The following SLCO1B3 variants were observed in gnomAD, a reference collection of about 807,000 sequenced individuals.
The protein encoded by SLCO1B3 is solute carrier organic anion transporter family member 1B3, also known as liver-specific organic anion transporter 2.
Under a neutral mutation model 71.8 loss-of-function variants are expected in SLCO1B3, and 72 were observed. The observed-to-expected ratio is 1.00, with a 90% CI of 0.83 to 1.22. The LOEUF (loss-of-function observed/expected upper bound fraction) is 1.22. Among genes scored for constraint, SLCO1B3 ranks in the 50% most tolerant of loss-of-function variants. The pLI, the probability that SLCO1B3 is intolerant of heterozygous loss-of-function variation, is 0.00. For missense variants in SLCO1B3, 911 were observed against 819.7 expected, an observed-to-expected ratio of 1.11 and a Z score of -1.36; for synonymous variants, 298 against 278.4, an observed-to-expected ratio of 1.07 and a Z score of -0.70.
intron 3 of SLCO1B3, among the ~76,000 whole-genome samples, chr12:20,845,569 T>C (rs1864899651): frequency 6.6e-6 from 1 of 152,102 alleles, no homozygotes; most frequent in Admixed American, 6.6e-5. Context: ...GCCTGTTCTC[T>C]GGAGGAAATA....
chr12:20,850,602 A>C (rs1865007123), intron 3 of SLCO1B3, among the ~76,000 whole-genome samples: 1 of 152,218 alleles, frequency 6.6e-6, no homozygotes, highest in African/African-American at 2.4e-5. Context: ...TTATTTTATC[A>C]GCCAAGTAAT....
intron 13 of SLCO1B3, among the ~76,000 whole-genome samples, chr12:20,892,881 T>A (rs1294520502): frequency 6.6e-6 from 1 of 152,178 alleles, no homozygotes; most frequent in African/African-American, 2.4e-5. Flanking sequence ...CCTCCAGGGA[T>A]GCAGCTCTTT....
chr12:20,913,616 TC>T (rs1195847685), intron 15 of SLCO1B3, among the ~76,000 whole-genome samples: 1 of 152,206 alleles, frequency 6.6e-6, no homozygotes, highest in Non-Finnish European at 1.5e-5. Context: ...AAATAGGTAC[TC>T]CCATTTTCTT....
At chr12:20,891,706 T>C (rs1865906796) in intron 13 of SLCO1B3, among the ~76,000 whole-genome samples, 1 of 152,040 alleles carries the variant, frequency 6.6e-6, no homozygotes, top group African/African-American at 2.4e-5. Flanking sequence ...GTCCTGAAGG[T>C]TCTGTTAGGT....
In SLCO1B3 at chr12:20,916,353, C is replaced by G. The variant is rs1463169094; in HGVS notation, c.*106C>G. On this transcript the variant is annotated 3_prime_UTR_variant, in exon 16 of 16. Coordinates refer to ENST00000381545, the MANE Select transcript of SLCO1B3 (RefSeq NM_019844.4). ...TGGACCAATGGATAAGTCTATGCAT[C>G]TATAATAAACTATAAAAAATGGGAG... 3.6e-5 allele frequency: 36 copies of G among 1,005,542 alleles called. No individual in the cohort carries two copies. In the Middle Eastern group the frequency reaches 1.3e-3, roughly 36 times the overall value. 62.3% of individuals were successfully genotyped at this position (1,005,542 alleles called of 1,614,324 possible).
At chr12:20,901,025 A>G (rs1397126433) in intron 14 of SLCO1B3, among the ~76,000 whole-genome samples, 5 of 152,182 alleles carry the variant, frequency 3.3e-5, no homozygotes, top group Non-Finnish European at 7.4e-5. Context: ...TTCATGTTTT[A>G]CTAACAACAT....
chr12:20,887,924 A>G, intron 13 of SLCO1B3, among the ~76,000 whole-genome samples: 1 of 151,642 alleles, frequency 6.6e-6, no homozygotes. Context: ...TACGGGTTCA[A>G]TTTTATGTCT....
At chr12:20,829,523 G>A (rs1043892697) in intron 3 of SLCO1B3, among the ~76,000 whole-genome samples, 2 of 152,182 alleles carry the variant, frequency 1.3e-5, no homozygotes, top group Admixed American at 1.3e-4. Context: ...CAAATTTTGA[G>A]AGATCAGGCA....
At chr12:20,844,891 G>A (rs1429520280) in intron 3 of SLCO1B3, among the ~76,000 whole-genome samples, 1 of 151,914 alleles carries the variant, frequency 6.6e-6, no homozygotes, top group Non-Finnish European at 1.5e-5. Context: ...TTAGCCAGGT[G>A]TGGTGGTGCA....
At chr12:20,875,916 C>G (rs1865570316) in intron 9 of SLCO1B3, among the ~76,000 whole-genome samples, 1 of 151,714 alleles carries the variant, frequency 6.6e-6, no homozygotes, top group African/African-American at 2.4e-5. Context: ...GTATATAGAT[C>G]ACTGTAATAA....
intron 15 of SLCO1B3, among the ~76,000 whole-genome samples, chr12:20,902,673 G>A (rs920113903): frequency 3.3e-5 from 5 of 152,104 alleles, no homozygotes; most frequent in Admixed American, 2.6e-4. Flanking sequence ...ATTACACAAG[G>A]TATTGTAAGC....
chr12:20,850,426 C>A (rs528246260), intron 3 of SLCO1B3, among the ~76,000 whole-genome samples: 1 of 151,836 alleles, frequency 6.6e-6, no homozygotes, highest in Non-Finnish European at 1.5e-5. Context: ...ACTGCAGGCA[C>A]CCACCACCAC....
In SLCO1B3 at chr12:20,880,986, G is replaced by T; in HGVS notation, c.1463G>T (p.Gly488Val). Residue 488 changes from glycine to valine, a missense_variant, in exon 12 of 16, where the codon GGA (glycine) becomes GTA (valine). Gly to Val is a moderately radical substitution (Grantham distance 109). Transcript: ENST00000381545. The stretch of plus-strand genomic sequence containing the variant: ...ACTTACCTGTCACCTTGTCTAGCAG[G>T]ATGCAAATCCTCAAGTGGTATTAAA... ...GITYLSPCLA[G>V]CKSSSGIKKH... 6.2e-7 allele frequency: 1 copy of T among 1,611,298 alleles called. No individual in the cohort carries two copies. The highest frequency in any genetic ancestry group is 8.5e-7 in the Non-Finnish European group (1 of 1,178,484).
In SLCO1B3 at chr12:20,822,363, G is replaced by A. The variant is rs533968967; in HGVS notation, c.84+6541G>A. On this transcript the variant is annotated intron_variant, in intron 3 of 15. Transcript: ENST00000381545. Reference sequence around the variant, plus strand: ...AGGAAAATTACAGTCAAAGGGGGTTGTTCTCTGGTGGGCAGGGGCGGGGGT... The same window carrying A: ...AGGAAAATTACAGTCAAAGGGGGTTATTCTCTGGTGGGCAGGGGCGGGGGT... 2.6e-5 allele frequency among the ~76,000 whole-genome samples: 4 copies of A among 152,110 alleles called. No individual in the cohort carries two copies. In the South Asian group the frequency reaches 8.3e-4, roughly 32 times the overall value.
intron 8 of SLCO1B3, among the ~76,000 whole-genome samples, chr12:20,867,274 A>T (rs1865391357): frequency 6.6e-6 from 1 of 152,188 alleles, no homozygotes; most frequent in African/African-American, 2.4e-5. Flanking sequence ...GTCTGAAAAG[A>T]TTACACCGTT....
intron 13 of SLCO1B3, among the ~76,000 whole-genome samples, chr12:20,885,165 TTTA>T: frequency 6.6e-6 from 1 of 152,180 alleles, no homozygotes; most frequent in Non-Finnish European, 1.5e-5. Context: ...TATCAGAGCA[TTTA>T]TTAATTTCTC....
intron 3 of SLCO1B3, among the ~76,000 whole-genome samples, chr12:20,831,356 C>CAAAAAAAAAAA: frequency 1.1e-5 from 1 of 91,212 alleles, no homozygotes; most frequent in Non-Finnish European, 2.1e-5. Flanking sequence ...GACGCCATAT[C>CAAAAAAAAAAA]AAAAAAAAAA....
At chr12:20,867,170 C>A (rs1865389668) in intron 8 of SLCO1B3, among the ~76,000 whole-genome samples, 1 of 151,986 alleles carries the variant, frequency 6.6e-6, no homozygotes, top group African/African-American at 2.4e-5. Context: ...GATGTGGGGT[C>A]CTAAGGACAT....
chr12:20,901,329 T>C lies in SLCO1B3; in HGVS notation c.1748-21T>C, dbSNP rs367668863. ...TTGAAGCATTTCACTTGGATTGATA[T>C]CTTTTTATCTCATGTTGCAGGAGGA... On this transcript the variant is annotated intron_variant, in intron 14 of 15. Transcript: ENST00000381545. 19 of 1,346,378 alleles carry C rather than the reference T, an allele frequency of 1.4e-5. No individual in the cohort carries two copies. In the Admixed American group the frequency reaches 1.8e-4, roughly 13 times the overall value. 83.4% of individuals were successfully genotyped at this position (1,346,378 alleles called of 1,614,324 possible). A position where few individuals can be genotyped will look rare whatever the true frequency, so the allele number is the denominator to read the frequency against.
Sources: allele counts gnomAD v4.1 joint callset (sites outside exome capture counted in the v4.1 genomes callset), GRCh38; gene constraint gnomAD v4.1.1; transcripts MANE v1.5; gene names NCBI Gene and HGNC (gene_info 2026-07-23, HGNC 2026-07-21).